The following GATB variants were observed in gnomAD, a reference collection of about 807,000 sequenced individuals.
The protein encoded by GATB is glutamyl-tRNA(Gln) amidotransferase subunit B, mitochondrial.
Under a neutral mutation model 62.3 loss-of-function variants are expected in GATB, and 39 were observed. The observed-to-expected ratio is 0.63, with a 90% CI of 0.48 to 0.82. The LOEUF (loss-of-function observed/expected upper bound fraction) is 0.82. Among genes scored for constraint, GATB ranks in the 40% least tolerant of loss-of-function variants. The pLI is 0.00. For missense variants in GATB, 670 were observed against 684.0 expected (o/e 0.98, Z 0.23); for synonymous variants, 276 against 258.9 (o/e 1.07, Z -0.63).
At chr4:151,682,907 G>A (rs1418196631) in intron 10 of GATB, among the ~76,000 whole-genome samples, 4 of 152,220 alleles carry the variant, frequency 2.6e-5, no homozygotes, top group South Asian at 4.2e-4. Flanking sequence ...GTTCCAGGCA[G>A]CCCCCTTCTG....
intron 2 of GATB, chr4:151,720,195 A>T (rs1478066380): frequency 1.3e-5 from 2 of 152,282 alleles, no homozygotes; most frequent in Non-Finnish European, 2.9e-5. Context: ...TCCCACTTAC[A>T]GGAGTGAATG....
chr4:151,695,024 A>G (rs922649850), intron 9 of GATB, among the ~76,000 whole-genome samples: 2 of 152,226 alleles, frequency 1.3e-5, no homozygotes, highest in Non-Finnish European at 2.9e-5. Context: ...GTAAGATGAC[A>G]GATCCTGAGG....
At chr4:151,698,094 A>AAGCATGG (rs1195033720) in intron 9 of GATB, among the ~76,000 whole-genome samples, 2 of 150,828 alleles carry the variant, frequency 1.3e-5, no homozygotes, top group Non-Finnish European at 2.9e-5. Flanking sequence ...TGGGTTGTCA[A>AAGCATGG]AGCATGGTTT....
intron 6 of GATB, among the ~76,000 whole-genome samples, chr4:151,705,592 C>T (rs1267552730): frequency 6.6e-6 from 1 of 152,116 alleles, no homozygotes; most frequent in Non-Finnish European, 1.5e-5. Context: ...TTGCTGCCTA[C>T]CCAGGGCCCT....
intron 5 of GATB, among the ~76,000 whole-genome samples, chr4:151,710,051 C>T (rs898224637): frequency 5.3e-5 from 8 of 152,148 alleles, no homozygotes; most frequent in Non-Finnish European, 7.4e-5. Context: ...AGTGTTACCG[C>T]CTCCTCCTAG....
chr4:151,721,361 G>A (rs910585775), intron 2 of GATB: 4 of 152,242 alleles, frequency 2.6e-5, no homozygotes, highest in African/African-American at 9.6e-5. Flanking sequence ...GTTTCTATTT[G>A]GAGTTCTTCA....
intron 2 of GATB, among the ~76,000 whole-genome samples, chr4:151,729,762 T>C (rs539301725): frequency 6.6e-6 from 1 of 152,278 alleles, no homozygotes; most frequent in South Asian, 2.1e-4. Flanking sequence ...GGTGAGATGG[T>C]ACAAGCCTCC....
intron 5 of GATB, among the ~76,000 whole-genome samples, chr4:151,714,477 G>A (rs548380673): frequency 6.6e-6 from 1 of 152,238 alleles, no homozygotes; most frequent in Non-Finnish European, 1.5e-5. Flanking sequence ...AACAACCAAA[G>A]CTACTCGGCT....
intron 10 of GATB, among the ~76,000 whole-genome samples, chr4:151,681,259 A>G (rs1738132088): frequency 6.6e-6 from 1 of 152,212 alleles, no homozygotes; most frequent in African/African-American, 2.4e-5. Flanking sequence ...CACTTAAAAC[A>G]GCTGATGTAC....
chr4:151,709,496 C>T (rs767316114), intron 5 of GATB, among the ~76,000 whole-genome samples: 1 of 152,204 alleles, frequency 6.6e-6, no homozygotes, highest in Non-Finnish European at 1.5e-5. Context: ...ATTCCTGACA[C>T]CGTGAGACTC....
At chr4:151,753,529 C>T (rs1739762747) in intron 2 of GATB, among the ~76,000 whole-genome samples, 1 of 152,128 alleles carries the variant, frequency 6.6e-6, no homozygotes, top group Non-Finnish European at 1.5e-5. Flanking sequence ...CATTTGCATT[C>T]TTTCACTATG....
intron 11 of GATB, chr4:151,674,362 C>G: frequency 6.6e-6 from 1 of 152,244 alleles, no homozygotes; most frequent in South Asian, 2.1e-4. Flanking sequence ...TTCCATGGAG[C>G]TGCCCTGTAA....
chr4:151,705,254 C>T lies in GATB; in HGVS notation c.893G>A (p.Arg298Lys), dbSNP rs755309364. 2 of 1,609,726 alleles carry T rather than the reference C, an allele frequency of 1.2e-6. No individual in the cohort carries two copies. Among genetic ancestry groups the T allele is most frequent in the African/African-American group, 1.3e-5 (1 of 74,768 alleles). ...TCCATTCTCAAGTTCATTGATTTGC[C>T]TCTGAATTTCATAGTCTAGGAAAAA... is the stretch of plus-strand genomic sequence containing the variant. ...LAKAIDYEIQRQINELENGGE... is the reference protein window; with the variant it reads ...LAKAIDYEIQKQINELENGGE... Residue 298 changes from arginine (R) to lysine (K), a missense_variant, in exon 7 of 13, where the codon AGG becomes AAG. Arg to Lys is a conservative substitution (Grantham distance 26, BLOSUM62 2). Transcript: ENST00000263985.
chr4:151,689,916 A>G (rs1043170313), intron 9 of GATB, among the ~76,000 whole-genome samples: 1 of 152,188 alleles, frequency 6.6e-6, no homozygotes, highest in African/African-American at 2.4e-5. Flanking sequence ...TATTTCAATA[A>G]GAAAAATAAA....
intron 11 of GATB, chr4:151,675,391 C>G (rs996961729): frequency 3.9e-5 from 6 of 152,610 alleles, no homozygotes; most frequent in Non-Finnish European, 7.3e-5. Context: ...TCCCCAGTCC[C>G]CTAGGCTTAT....
intron 5 of GATB, among the ~76,000 whole-genome samples, chr4:151,713,880 A>G (rs1048512423): frequency 2.0e-5 from 3 of 152,218 alleles, no homozygotes; most frequent in African/African-American, 7.2e-5. Flanking sequence ...CCTTAGGCAA[A>G]TAACTCCCAC....
intron 2 of GATB, among the ~76,000 whole-genome samples, chr4:151,750,649 TTTTTC>T (rs1301305575): frequency 2.0e-5 from 3 of 151,840 alleles, no homozygotes; most frequent in Admixed American, 6.6e-5. Flanking sequence ...ACATTATATT[TTTTTC>T]TTTTCTTTTC....
At chr4:151,695,930 ATTTTTT>A (rs57028979) in intron 9 of GATB, among the ~76,000 whole-genome samples, 1,748 of 122,830 alleles carry the variant, frequency 0.014, 35 homozygotes, top group African/African-American at 0.054. Context: ...GCTAATTTAA[ATTTTTT>A]TTTTTTTTTT....
chr4:151,713,921 C>T (rs1560853673), intron 5 of GATB, among the ~76,000 whole-genome samples: 1 of 152,224 alleles, frequency 6.6e-6, no homozygotes, highest in Non-Finnish European at 1.5e-5. Flanking sequence ...TCACCTGCAA[C>T]AGGCAAACAC....
Sources: allele counts gnomAD v4.1 joint callset (sites outside exome capture counted in the v4.1 genomes callset), GRCh38; gene constraint gnomAD v4.1.1; transcripts MANE v1.5; gene names NCBI Gene and HGNC (gene_info 2026-07-23, HGNC 2026-07-21).